Variants in PCYT1A observed in about 807,000 individuals in gnomAD.
PCYT1A encodes choline-phosphate cytidylyltransferase A.
A neutral mutation model predicts 43.7 loss-of-function variants in PCYT1A; 25 were observed. That is an observed-to-expected ratio of 0.57 (90% CI 0.42 to 0.80). The LOEUF is 0.80. Among genes scored for constraint, PCYT1A ranks in the 30% least tolerant of loss-of-function variants. The pLI, the probability that PCYT1A is intolerant of heterozygous loss-of-function variation, is 0.00. For synonymous variants in PCYT1A, 172 were observed against 170.7 expected, an observed-to-expected ratio of 1.01 and a Z score of -0.06; for missense variants, 421 against 474.2, an observed-to-expected ratio of 0.89 and a Z score of 1.04.
chr3:196,284,756 A>G (rs1283815107), intron 1 of PCYT1A, among the ~76,000 whole-genome samples: 2 of 152,232 alleles, frequency 1.3e-5, no homozygotes, highest in African/African-American at 4.8e-5. Context: ...TTTGCAAAGC[A>G]AATCTTTTGT....
chr3:196,280,000 A>G (rs924020439), intron 1 of PCYT1A, among the ~76,000 whole-genome samples: 9 of 151,500 alleles, frequency 5.9e-5, no homozygotes, highest in Admixed American at 5.9e-4. Context: ...ACGCCTGGCT[A>G]ATTTTGTATT....
intron 1 of PCYT1A, 155 bp downstream of exon 1, chr3:196,287,460 C>T (rs1203980311): frequency 6.6e-6 from 1 of 152,468 alleles, no homozygotes; most frequent in Non-Finnish European, 1.5e-5. Context: ...GTCACAGTCC[C>T]CTCGCTGTCA....
chr3:196,239,841 G>A lies in PCYT1A; in HGVS notation c.709-106C>T, dbSNP rs113416740. ...AAGCACTCAATTGACACTGTTTTCA[G>A]TCTAGAATTTTGCTTTGCTTTAATC... On this transcript the variant is annotated intron_variant, in intron 7 of 8. Coordinates refer to ENST00000431016, the MANE Select transcript of PCYT1A (RefSeq NM_001312673.2). 2.9e-5 allele frequency: 22 copies of A among 751,492 alleles called. 1 individual carries two copies. Among genetic ancestry groups the A allele is most frequent in the African/African-American group, 2.1e-4 (12 of 57,460 alleles). The allele number at this position is 751,492 out of a possible 1,614,324, so 46.6% of individuals were successfully genotyped here.
chr3:196,267,154 G>C (rs540795887), intron 2 of PCYT1A: 3 of 283,818 alleles, frequency 1.1e-5, no homozygotes, highest in African/African-American at 6.9e-5. Context: ...ACTCCAGCTT[G>C]GGCGACAGAG....
chr3:196,245,535 C>T (rs563442525), intron 5 of PCYT1A, among the ~76,000 whole-genome samples: 1 of 152,322 alleles, frequency 6.6e-6, no homozygotes, highest in South Asian at 2.1e-4. Flanking sequence ...ACTTCACTTA[C>T]TCCTTCCTGT....
chr3:196,238,448 G>GT lies in PCYT1A; in HGVS notation c.*239_*240insA, dbSNP rs371462601. 268 of 361,398 alleles carry GT rather than the reference G, an allele frequency of 7.4e-4. 1 individual carries two copies. The highest frequency in any genetic ancestry group is 1.3e-3 in the Admixed American group (27 of 21,512). 22.4% of individuals were successfully genotyped at this position (361,398 alleles called of 1,614,324 possible). On this transcript the variant is annotated 3_prime_UTR_variant, in exon 9 of 9. Coordinates refer to ENST00000431016, the MANE Select transcript of PCYT1A (RefSeq NM_001312673.2). Reference sequence around the variant, plus strand: ...TAAACAGTGAAACAAAGCCCTTGGGGGGGGGTAAATGGATGCAGAGCAGGC... The same window carrying GT: ...TAAACAGTGAAACAAAGCCCTTGGGGTGGGGGTAAATGGATGCAGAGCAGGC...
rs1174363775 is a variant in PCYT1A, at chr3:196,273,174, G to T, written c.-10-2633C>A. ...TGCAGGCACTGGGGAACATGGTGCT[G>T]CCCAGAAGCTTGGAGAGGCCAGGAA... On this transcript the variant is annotated intron_variant, in intron 1 of 8. Coordinates refer to ENST00000431016, the MANE Select transcript of PCYT1A (RefSeq NM_001312673.2). The surrounding 1 kb of genome is among the most constrained non-coding windows in gnomAD (Gnocchi z 4.1). Among the ~76,000 whole-genome samples the T allele has an allele frequency of 6.6e-6, 1 of 152,226 alleles. No individual in the cohort carries two copies. Among genetic ancestry groups the T allele is most frequent in the African/African-American group, 2.4e-5 (1 of 41,466 alleles).
intron 2 of PCYT1A, among the ~76,000 whole-genome samples, chr3:196,263,619 C>T (rs1485846619): frequency 6.6e-6 from 1 of 152,046 alleles, no homozygotes; most frequent in Non-Finnish European, 1.5e-5. Flanking sequence ...ATTCCACCCC[C>T]CGGGGATCTG....
At chr3:196,284,478 G>C (rs931631737) in intron 1 of PCYT1A, among the ~76,000 whole-genome samples, 9 of 152,152 alleles carry the variant, frequency 5.9e-5, no homozygotes, top group African/African-American at 2.2e-4. Context: ...CTCTGGCCAT[G>C]GTTAGAAAAT....
At position 196,238,801 on chromosome 3, in the gene PCYT1A, A is replaced by AG. The variant is rs587777193; in HGVS notation, c.990dup (p.Ser331LeufsTer30). On this transcript the variant is annotated frameshift_variant, in exon 9 of 9. Transcript: ENST00000431016. LOFTEE classifies it high-confidence loss of function. Reference sequence around the variant, plus strand: ...GAGAAGGGCCATCGGAAAGAGGGGGAGGGGGAGCGCTCGCGAGTAGGGCTG... The same window carrying AG: ...GAGAAGGGCCATCGGAAAGAGGGGGAGGGGGGAGCGCTCGCGAGTAGGGCTG... 2 of 1,581,066 alleles carry AG rather than the reference A, an allele frequency of 1.3e-6. No homozygotes were observed. Among genetic ancestry groups the AG allele is most frequent in the Non-Finnish European group, 1.7e-6 (2 of 1,164,580 alleles).
chr3:196,248,230 G>A lies in PCYT1A; in HGVS notation c.311C>T (p.Pro104Leu). 1 of 1,607,282 alleles carries A rather than the reference G, an allele frequency of 6.2e-7. No individual in the cohort carries two copies. The highest frequency in any genetic ancestry group is 8.5e-7 in the Non-Finnish European group (1 of 1,173,752). ...RALMQAKNLF[P>L]NTYLIVGVCS... ...ACCTCCCACAATGAGGTACGTATTA[G>A]GGAAAAGGTTCTTCGCTTGCATCAG... Residue 104 changes from proline to leucine, a missense_variant, in exon 4 of 9, where the codon CCT becomes CTT. By Grantham distance (98) the Pro-to-Leu change is moderately conservative. Coordinates refer to ENST00000431016, the MANE Select transcript of PCYT1A (RefSeq NM_001312673.2).
In PCYT1A at chr3:196,277,455, C is replaced by T. The variant is rs1227878729; in HGVS notation, c.-10-6914G>A. On this transcript the variant is annotated intron_variant, in intron 1 of 8. Transcript: ENST00000431016. The surrounding 1 kb of genome is among the most constrained non-coding windows in gnomAD (Gnocchi z 4.1). ...GTGTAAGACACTTCTTTATCTCATC[C>T]ACTTCTCAGGAGATGGAAAACATCT... 1.3e-5 allele frequency among the ~76,000 whole-genome samples: 2 copies of T among 152,260 alleles called. No individual in the cohort carries two copies. Among genetic ancestry groups the T allele is most frequent in the East Asian group, 3.9e-4 (2 of 5,180 alleles).
rs190043627 is a variant in PCYT1A at position 196,247,530 on chromosome 3, C to G, written c.335-12G>C. The G allele has an allele frequency of 1.6e-3, 2,555 of 1,613,824 alleles. 1 individual carries two copies. The highest frequency in any genetic ancestry group is 2.0e-3 in the Non-Finnish European group (2,361 of 1,179,704). On this transcript the variant is annotated splice_polypyrimidine_tract_variant and intron_variant, in intron 4 of 8. Coordinates refer to ENST00000431016, the MANE Select transcript of PCYT1A (RefSeq NM_001312673.2). The surrounding 1 kb of genome is among the most constrained non-coding windows in gnomAD (Gnocchi z 4.8). ...CTCATCACTGCAAACTGGTTCACCA[C>G]ATCATAAATTGTGTGTTGGAGTCCT...
chr3:196,241,748 A>C (rs1194530035), intron 7 of PCYT1A, 200 bp downstream of exon 7: 5 of 1,258,992 alleles, frequency 4.0e-6, no homozygotes, highest in Non-Finnish European at 5.6e-6. Context: ...GCTTTATACG[A>C]ATGTGTTGGT....
rs1157564546 is a variant in PCYT1A, at chr3:196,277,743, CA to C, written c.-10-7203del. Among the ~76,000 whole-genome samples the C allele has an allele frequency of 3.3e-5, 5 of 152,272 alleles. No individual in the cohort carries two copies. Among genetic ancestry groups the C allele is most frequent in the Admixed American group, 2.6e-4 (4 of 15,292 alleles). On this transcript the variant is annotated intron_variant, in intron 1 of 8. Coordinates refer to ENST00000431016, the MANE Select transcript of PCYT1A (RefSeq NM_001312673.2). This position sits in a 1 kb window ranked among gnomAD's most constrained non-coding sequence, Gnocchi z 4.1. Reference sequence around the variant, plus strand: ...AAAATTAGCTGAGCGTGGTGGCATGCACCTGTAATCCCAGCTACTTGGGAGG... The same window carrying C: ...AAAATTAGCTGAGCGTGGTGGCATGCCCTGTAATCCCAGCTACTTGGGAGG...
At chr3:196,275,884 T>C (rs1380147606) in intron 1 of PCYT1A, among the ~76,000 whole-genome samples, 3 of 151,492 alleles carry the variant, frequency 2.0e-5, no homozygotes, top group Non-Finnish European at 4.4e-5. Context: ...GATCACAAGG[T>C]CAGGAGATTG....
At chr3:196,250,011 AGGCTGAGGACCAGATACACCATGCCG>A in intron 3 of PCYT1A, among the ~76,000 whole-genome samples, 1 of 118,488 alleles carries the variant, frequency 8.4e-6, no homozygotes, top group African/African-American at 2.9e-5. Context: ...CACCATGCCG[AGGCTGAGGACCAGATACACCATGCCG>A]AGGCTGAGGA....
At chr3:196,286,809 G>A (rs973910594) in intron 1 of PCYT1A, among the ~76,000 whole-genome samples, 1 of 152,232 alleles carries the variant, frequency 6.6e-6, no homozygotes, top group Non-Finnish European at 1.5e-5. Context: ...AGCTACTAGG[G>A]AGGCTGAGAC....
chr3:196,238,421 C>T lies in PCYT1A; in HGVS notation c.*267G>A, dbSNP rs1299680840. ...AATTTCCCTGTTGAGATCACGTGAA[C>T]ATAAACAGTGAAACAAAGCCCTTGG... On this transcript the variant is annotated 3_prime_UTR_variant, in exon 9 of 9. Transcript: ENST00000431016. The T allele has an allele frequency of 6.2e-6, 2 of 324,476 alleles. No homozygotes were observed. Among genetic ancestry groups the T allele is most frequent in the Admixed American group, 5.0e-5 (1 of 20,186 alleles). 20.1% of individuals were successfully genotyped at this position (324,476 alleles called of 1,614,324 possible). A position where few individuals can be genotyped will look rare whatever the true frequency, so the allele number is the denominator to read the frequency against.
Sources: allele counts gnomAD v4.1 joint callset (sites outside exome capture counted in the v4.1 genomes callset), GRCh38; gene constraint gnomAD v4.1.1; non-coding constraint Gnocchi (gnomAD v3.1); transcripts MANE v1.5; gene names NCBI Gene and HGNC (gene_info 2026-07-23, HGNC 2026-07-21).